TTLL8: variants seen among roughly 807,000 people sequenced by gnomAD.
The protein encoded by TTLL8 is protein monoglycylase TTLL8.
In TTLL8, 65 loss-of-function variants were observed where a neutral mutation model predicts 77.8. The ratio of observed to expected loss-of-function variants is 0.84; its 90% confidence interval spans 0.68 to 1.03. The LOEUF is 1.03. Ranked by LOEUF, TTLL8 falls within the 50% of genes least tolerant of loss-of-function variation. The pLI is 0.00. For synonymous variants in TTLL8, 402 were observed against 422.8 expected (o/e 0.95, Z 0.60); for missense variants, 910 against 1,004.5 (o/e 0.91, Z 1.27).
At chr22:50,053,641 A>G (rs1170714123) in intron 1 of TTLL8, among the ~76,000 whole-genome samples, 5 of 152,252 alleles carry the variant, frequency 3.3e-5, no homozygotes, top group African/African-American at 9.6e-5. Flanking sequence ...GGTTCTACTT[A>G]TATGAAGTTC....
At chr22:50,030,876 C>A (rs769835315) in exon 12 of TTLL8, 1 of 1,327,720 alleles carries the variant, frequency 7.5e-7, no homozygotes, top group Non-Finnish European at 9.9e-7. Flanking sequence ...CACACTGACG[C>A]CCGCCACGCA....
rs185455812 is a variant in TTLL8, at chr22:50,034,314, G to T, written c.1039+31C>A. On this transcript the variant is annotated intron_variant, in intron 9 of 13. Coordinates refer to ENST00000266182, the Ensembl canonical transcript of TTLL8. This position sits in a 1 kb window ranked among gnomAD's most constrained non-coding sequence, Gnocchi z 4.1. ...CTGGCATCAAGTGTGGCCGTTGGTG[G>T]CTATGAACGCGGTGCAGGGAGCATC... The T allele has an allele frequency of 1.0e-4, 141 of 1,344,854 alleles. 1 individual carries two copies. The African/African-American group carries it at 1.9e-3, about 18-fold the overall frequency. 83.3% of individuals were successfully genotyped at this position (1,344,854 alleles called of 1,614,324 possible). A position where few individuals can be genotyped will look rare whatever the true frequency, so the allele number is the denominator to read the frequency against.
intron 12 of TTLL8, 30 bp downstream of exon 13, chr22:50,030,400 C>G: frequency 7.7e-7 from 1 of 1,291,646 alleles, no homozygotes; most frequent in Non-Finnish European, 1.0e-6. Context: ...GCCCCCAAGC[C>G]CACAGCGCAC....
intron 6 of TTLL8, among the ~76,000 whole-genome samples, chr22:50,042,907 C>T (rs1009470085): frequency 5.3e-5 from 8 of 152,162 alleles, no homozygotes; most frequent in African/African-American, 1.7e-4. Context: ...AATGGTACAG[C>T]GACTTTGGAA....
At position 50,034,722 on chromosome 22, in the gene TTLL8, G is replaced by A. The variant is rs373519300; in HGVS notation, c.922-260C>T. Among the ~76,000 whole-genome samples, 63 of 152,182 alleles carry A rather than the reference G, an allele frequency of 4.1e-4. 1 individual carries two copies. The East Asian group carries it at 9.9e-3, about 24-fold the overall frequency. ...GCTGTGTTAAGACAGTGGGGACCCC[G>A]GTGTGTGGGTCGGAGCTGGCCACAG... On this transcript the variant is annotated intron_variant, in intron 8 of 13. Coordinates refer to ENST00000266182, the Ensembl canonical transcript of TTLL8. The surrounding 1 kb of genome is among the most constrained non-coding windows in gnomAD (Gnocchi z 4.1).
intron 10 of TTLL8, among the ~76,000 whole-genome samples, chr22:50,032,842 G>A (rs769948594): frequency 2.6e-5 from 4 of 152,276 alleles, no homozygotes; most frequent in South Asian, 2.1e-4. Flanking sequence ...GCACACTTGC[G>A]GATATCTGAG....
chr22:50,053,556 TA>T (rs1217953703), intron 1 of TTLL8, among the ~76,000 whole-genome samples: 2 of 152,222 alleles, frequency 1.3e-5, no homozygotes, highest in African/African-American at 4.8e-5. Context: ...TTATAAACTT[TA>T]AAACATTTAT....
intron 12 of TTLL8, among the ~76,000 whole-genome samples, chr22:50,022,531 C>T (rs1162424804): frequency 1.3e-5 from 2 of 150,828 alleles, no homozygotes; most frequent in African/African-American, 4.9e-5. Context: ...CTCCATCTGA[C>T]ATGCATTCCT....
chr22:50,028,387 G>C (rs1356355290), intron 12 of TTLL8, among the ~76,000 whole-genome samples: 1 of 152,216 alleles, frequency 6.6e-6, no homozygotes, highest in Non-Finnish European at 1.5e-5. Flanking sequence ...TGGTGTCTGG[G>C]AGGCCACGTC....
chr22:50,024,122 A>G (rs1444314742), intron 12 of TTLL8, among the ~76,000 whole-genome samples: 2 of 152,218 alleles, frequency 1.3e-5, no homozygotes, highest in African/African-American at 2.4e-5. Context: ...AATGTATACT[A>G]TCATATTTGG....
At chr22:50,052,449 A>C (rs1040378162) in intron 1 of TTLL8, among the ~76,000 whole-genome samples, 1 of 152,374 alleles carries the variant, frequency 6.6e-6, no homozygotes, top group Non-Finnish European at 1.5e-5. Flanking sequence ...CCGGGAGAGC[A>C]CATGAAAGGA....
In TTLL8 at chr22:50,041,609, C is replaced by G. The variant is rs560257190; in HGVS notation, c.830+12G>C. ...AGCTCCGACATGTGCCAGGGGCCTG[C>G]GTAAGTCTTACTGAACGAGGGAGTA... On this transcript the variant is annotated intron_variant, in intron 7 of 13. Coordinates refer to ENST00000266182, the Ensembl canonical transcript of TTLL8. The surrounding 1 kb of genome is among the most constrained non-coding windows in gnomAD (Gnocchi z 4.3). 14 of 1,345,970 alleles carry G rather than the reference C, an allele frequency of 1.0e-5. No homozygotes were observed. The East Asian group carries it at 3.2e-4, about 31-fold the overall frequency. The allele number at this position is 1,345,970 out of a possible 1,614,324, so 83.4% of individuals were successfully genotyped here. A position where few individuals can be genotyped will look rare whatever the true frequency, so the allele number is the denominator to read the frequency against.
chr22:50,056,165 CATCT>C (rs2061469656), upstream of TTLL8, among the ~76,000 whole-genome samples: 5 of 152,216 alleles, frequency 3.3e-5, no homozygotes, highest in South Asian at 1.0e-3. This position sits in a 1 kb window ranked among gnomAD's most constrained non-coding sequence, Gnocchi z 4.1. Flanking sequence ...AGGCCACATC[CATCT>C]GACAAAGAGC....
upstream of TTLL8, among the ~76,000 whole-genome samples, chr22:50,056,422 C>T (rs756866431): frequency 2.0e-5 from 3 of 152,174 alleles, no homozygotes; most frequent in Non-Finnish European, 2.9e-5. The surrounding 1 kb of genome is among the most constrained non-coding windows in gnomAD (Gnocchi z 4.1). Flanking sequence ...GGCACCGGAG[C>T]TCTCGATCTG....
intron 6 of TTLL8, among the ~76,000 whole-genome samples, chr22:50,043,482 G>A (rs111715870): frequency 9.0e-5 from 13 of 144,288 alleles, no homozygotes; most frequent in African/African-American, 2.6e-4. Flanking sequence ...CAGTGGTGCC[G>A]ACATGTTCTT....
chr22:50,053,221 CAAA>C (rs55893423), intron 1 of TTLL8, among the ~76,000 whole-genome samples: 3 of 103,124 alleles, frequency 2.9e-5, no homozygotes, highest in African/African-American at 3.4e-5. Context: ...GACTCCATCT[CAAA>C]AAAAAAAAAA....
rs543871894 is a variant in TTLL8 at position 50,029,409 on chromosome 22, C to CCA, written c.2203+1019_2203+1020dup. Among the ~76,000 whole-genome samples the CCA allele has an allele frequency of 1.9e-3, 259 of 139,194 alleles. 34 individuals are homozygous for CCA. The highest frequency in any genetic ancestry group is 0.013 in the East Asian group (37 of 2,878). The allele number at this position is 139,194 out of a possible 152,430, so 91.3% of individuals were successfully genotyped here. Reference sequence around the variant, plus strand: ...ACCCCATCACACCATCCTGAAGACCCCACACACACTCGTAAAGACCCCATC... The same window carrying CCA: ...ACCCCATCACACCATCCTGAAGACCCCACACACACACTCGTAAAGACCCCATC... On this transcript the variant is annotated intron_variant, in intron 12 of 13. Transcript: ENST00000266182.
At chr22:50,046,387 A>T (rs1300254596) in intron 4 of TTLL8, among the ~76,000 whole-genome samples, 1 of 152,174 alleles carries the variant, frequency 6.6e-6, no homozygotes, top group Non-Finnish European at 1.5e-5. Flanking sequence ...AGCACTGCCC[A>T]CCACACGCGA....
exon 11 of TTLL8, chr22:50,031,782 G>T: frequency 7.3e-7 from 1 of 1,366,536 alleles, no homozygotes; most frequent in Non-Finnish European, 9.8e-7. Flanking sequence ...GCTGGGCCGT[G>T]ACCGGCGTGG....
Sources: gnomAD v4.1 joint callset for allele counts (sites outside exome capture counted in the v4.1 genomes callset) on GRCh38, gnomAD v4.1.1 for gene constraint, Gnocchi (gnomAD v3.1) non-coding constraint, MANE v1.5 for transcripts, NCBI Gene and HGNC (gene_info 2026-07-23, HGNC 2026-07-21) for gene names.